The following HMGCLL1 variants were observed in gnomAD, a reference collection of about 807,000 sequenced individuals.
HMGCLL1 encodes the protein 3-hydroxymethyl-3-methylglutaryl-CoA lyase, cytoplasmic.
A neutral mutation model predicts 39.1 loss-of-function variants in HMGCLL1; 36 were observed. The observed-to-expected ratio is 0.92, with a 90% CI of 0.71 to 1.22. HMGCLL1 has a LOEUF of 1.22. Ranked by LOEUF, HMGCLL1 falls within the 50% of genes most tolerant of loss-of-function variation. The pLI is 0.00. For synonymous variants in HMGCLL1, 149 were observed against 144.0 expected (o/e 1.03, Z -0.25); for missense variants, 451 against 416.5 (o/e 1.08, Z -0.72).
chr6:55,622,668 T>C, the HMGCLL1 span, among the ~76,000 whole-genome samples: 1 of 152,158 alleles, frequency 6.6e-6, no homozygotes, highest in Non-Finnish European at 1.5e-5. Context: ...TGCTACTGTT[T>C]TGTTGAGGAT....
chr6:55,602,857 A>G, the HMGCLL1 span, among the ~76,000 whole-genome samples: 97 of 152,280 alleles, frequency 6.4e-4, 2 homozygotes, highest in East Asian at 0.018. Flanking sequence ...TTAATAAAAT[A>G]ACATTTCTTG....
At position 55,542,637 on chromosome 6, in the gene HMGCLL1, G is replaced by A. The variant is rs539059572; in HGVS notation, c.109-497C>T. Among the ~76,000 whole-genome samples, 156 of 151,476 alleles carry A rather than the reference G, an allele frequency of 1.0e-3. 2 individuals carry two copies. Among genetic ancestry groups the A allele is most frequent in the Admixed American group, 3.7e-3 (56 of 15,176 alleles). The stretch of plus-strand genomic sequence containing the variant: ...TACTAAAAATACAAGAAATTAACTG[G>A]GCATAGTGGTGGGTGCCTATAATCC... On this transcript the variant is annotated intron_variant, in intron 1 of 8. Coordinates refer to ENST00000274901, the MANE Select transcript of HMGCLL1 (RefSeq NM_001042406.2).
intron 1 of HMGCLL1, among the ~76,000 whole-genome samples, chr6:55,568,316 G>T (rs988727441): frequency 6.6e-6 from 1 of 152,128 alleles, no homozygotes; most frequent in Non-Finnish European, 1.5e-5. Flanking sequence ...TTTCCTGCTT[G>T]TTGAATGATA....
At chr6:55,447,243 C>A (rs2127386067) in intron 7 of HMGCLL1, among the ~76,000 whole-genome samples, 1 of 151,914 alleles carries the variant, frequency 6.6e-6, no homozygotes, top group Admixed American at 6.6e-5. Context: ...ACCCTACTTG[C>A]CATTGATGTG....
At chr6:55,617,207 T>A in the HMGCLL1 span, among the ~76,000 whole-genome samples, 1 of 152,096 alleles carries the variant, frequency 6.6e-6, no homozygotes, top group East Asian at 1.9e-4. Context: ...ACTCATGATG[T>A]CCTGTCTTGC....
intron 7 of HMGCLL1, among the ~76,000 whole-genome samples, chr6:55,471,946 T>C (rs1765067218): frequency 6.6e-6 from 1 of 151,768 alleles, no homozygotes; most frequent in African/African-American, 2.4e-5. Context: ...CATGTCTGAC[T>C]TTTCTCATTC....
At chr6:55,544,424 C>T (rs1336144929) in intron 1 of HMGCLL1, among the ~76,000 whole-genome samples, 2 of 152,140 alleles carry the variant, frequency 1.3e-5, no homozygotes, top group Admixed American at 6.6e-5. Context: ...GTTTGGGTAA[C>T]CCATATTCAA....
At chr6:55,677,246 C>T in the HMGCLL1 span, among the ~76,000 whole-genome samples, 3 of 152,076 alleles carry the variant, frequency 2.0e-5, no homozygotes, top group Non-Finnish European at 4.4e-5. Flanking sequence ...AACAATTAGC[C>T]AGGCATGACG....
the HMGCLL1 span, among the ~76,000 whole-genome samples, chr6:55,601,402 G>T: frequency 6.6e-6 from 1 of 152,120 alleles, no homozygotes; most frequent in Non-Finnish European, 1.5e-5. Flanking sequence ...AGCTTTGACT[G>T]GTTCGCATAG....
At chr6:55,623,707 AATATATATTACATATATATGCATATG>A in the HMGCLL1 span, among the ~76,000 whole-genome samples, 2 of 149,492 alleles carry the variant, frequency 1.3e-5, no homozygotes, top group Non-Finnish European at 3.0e-5. Context: ...ATACACATAT[AATATATATTACATATATATGCATATG>A]ATATATATGT....
intron 7 of HMGCLL1, among the ~76,000 whole-genome samples, chr6:55,444,963 T>A (rs1392990928): frequency 2.0e-5 from 3 of 152,006 alleles, no homozygotes; most frequent in Non-Finnish European, 4.4e-5. Flanking sequence ...TAGTACCAGA[T>A]TAGCTCTAGA....
intron 7 of HMGCLL1, among the ~76,000 whole-genome samples, chr6:55,449,008 G>A (rs907265676): frequency 3.3e-5 from 5 of 152,130 alleles, no homozygotes; most frequent in Non-Finnish European, 7.4e-5. Context: ...ATCACCTGAT[G>A]TCCTATTTAA....
chr6:55,535,810 T>C lies in HMGCLL1; in HGVS notation c.297+5919A>G, dbSNP rs78612596. 2.4e-3 allele frequency among the ~76,000 whole-genome samples: 363 copies of C among 152,302 alleles called. 1 individual carries two copies. The highest frequency in any genetic ancestry group is 8.1e-3 in the African/African-American group (337 of 41,556). ...ATGGAAAGTTTTTCTGAATGAACTG[T>C]ACCTTATAAGCAAGCAATTTGGGGG... On this transcript the variant is annotated intron_variant, in intron 3 of 8. Transcript: ENST00000274901.
At chr6:55,627,921 A>T in the HMGCLL1 span, among the ~76,000 whole-genome samples, 6 of 2,116 alleles carry the variant, frequency 2.8e-3, 1 homozygote, top group Admixed American at 0.026. Context: ...ATATATATAT[A>T]ATATATATAC....
At chr6:55,570,935 C>G (rs373242366) in intron 1 of HMGCLL1, among the ~76,000 whole-genome samples, 4 of 152,068 alleles carry the variant, frequency 2.6e-5, no homozygotes, top group Non-Finnish European at 5.9e-5. Context: ...TGGCGGCAGG[C>G]GAGAGAGAAT....
chr6:55,677,414 A>G, the HMGCLL1 span, among the ~76,000 whole-genome samples: 3 of 152,192 alleles, frequency 2.0e-5, no homozygotes, highest in Non-Finnish European at 4.4e-5. Context: ...TATTTCCTAC[A>G]TAATAATCTT....
the HMGCLL1 span, among the ~76,000 whole-genome samples, chr6:55,662,469 T>C: frequency 4.0e-5 from 6 of 151,870 alleles, no homozygotes; most frequent in African/African-American, 1.4e-4. Context: ...AGTTTTAGTA[T>C]GTGAGGGATC....
the HMGCLL1 span, among the ~76,000 whole-genome samples, chr6:55,653,658 C>A: frequency 6.6e-6 from 1 of 152,032 alleles, no homozygotes; most frequent in Admixed American, 6.6e-5. Context: ...TACCTTGCTT[C>A]CCATCTCAGC....
At chr6:55,542,826 T>C (rs1457708698) in intron 1 of HMGCLL1, among the ~76,000 whole-genome samples, 1 of 140,552 alleles carries the variant, frequency 7.1e-6, no homozygotes, top group African/African-American at 2.6e-5. Context: ...CATATATATG[T>C]AATATATATG....
Sources: gnomAD v4.1 joint callset for allele counts (sites outside exome capture counted in the v4.1 genomes callset) on GRCh38, gnomAD v4.1.1 for gene constraint, MANE v1.5 for transcripts, NCBI Gene and HGNC (gene_info 2026-07-23, HGNC 2026-07-21) for gene names.